PAPSS1: variants seen among roughly 807,000 people sequenced by gnomAD.
PAPSS1 encodes 3'-phosphoadenosine 5'-phosphosulfate synthase 1.
A neutral mutation model predicts 72.0 loss-of-function variants in PAPSS1; 50 were observed. The observed-to-expected ratio is 0.69, with a 90% confidence interval of 0.55 to 0.88. The LOEUF is 0.88. PAPSS1 is among the 40% of genes least tolerant of loss of function. The pLI is 0.00. For missense variants in PAPSS1, 657 were observed against 782.2 expected (o/e 0.84, Z 1.91); for synonymous variants, 261 against 263.6 (o/e 0.99, Z 0.09).
chr4:107,622,090 C>G (rs1254493129), intron 11 of PAPSS1, among the ~76,000 whole-genome samples: 1 of 152,146 alleles, frequency 6.6e-6, no homozygotes, highest in Non-Finnish European at 1.5e-5. Flanking sequence ...TACTTTTTCT[C>G]TGGTACTGAT....
chr4:107,717,648 T>C (rs1371295243), intron 1 of PAPSS1, among the ~76,000 whole-genome samples: 1 of 152,148 alleles, frequency 6.6e-6, no homozygotes, highest in East Asian at 1.9e-4. Flanking sequence ...AAAAACTCAA[T>C]GGGCTAATAT....
At chr4:107,705,743 T>C (rs1289884652) in intron 1 of PAPSS1, among the ~76,000 whole-genome samples, 7 of 152,246 alleles carry the variant, frequency 4.6e-5, no homozygotes. Flanking sequence ...TATTCTGAAC[T>C]TGACCGTGGA....
At chr4:107,654,371 T>G (rs1353075819) in intron 8 of PAPSS1, among the ~76,000 whole-genome samples, 2 of 152,198 alleles carry the variant, frequency 1.3e-5, no homozygotes, top group Non-Finnish European at 2.9e-5. Context: ...TCATTATAAG[T>G]ACATGCCTAA....
At chr4:107,665,602 C>T (rs765551044) in intron 5 of PAPSS1, among the ~76,000 whole-genome samples, 2 of 152,166 alleles carry the variant, frequency 1.3e-5, no homozygotes, top group Admixed American at 6.5e-5. Flanking sequence ...GTAAAGGGGG[C>T]TCAGGGAGGC....
intron 1 of PAPSS1, among the ~76,000 whole-genome samples, chr4:107,704,261 A>G (rs1016758987): frequency 6.6e-6 from 1 of 152,178 alleles, no homozygotes; most frequent in Non-Finnish European, 1.5e-5. Context: ...AGGGTTTTCC[A>G]TATTATTTAA....
At chr4:107,644,080 C>A (rs769872364) in intron 10 of PAPSS1, among the ~76,000 whole-genome samples, 1 of 152,152 alleles carries the variant, frequency 6.6e-6, no homozygotes, top group East Asian at 1.9e-4. Context: ...TCCTCGACAA[C>A]CGTCTTGTAT....
chr4:107,681,989 T>G (rs200748790), intron 5 of PAPSS1, 26 bp downstream of exon 5: 1 of 1,137,348 alleles, frequency 8.8e-7, no homozygotes, highest in African/African-American at 1.6e-5. Context: ...TTTTCTCTGA[T>G]GATTCCTTCT....
chr4:107,713,387 TA>T (rs1221609451), intron 1 of PAPSS1, among the ~76,000 whole-genome samples: 1 of 152,092 alleles, frequency 6.6e-6, no homozygotes. Context: ...TGGGGACATG[TA>T]AATGTTCTAA....
At position 107,713,618 on chromosome 4, in the gene PAPSS1, C is replaced by T. The variant is rs192145517; in HGVS notation, c.60+6502G>A. 2.0e-5 allele frequency among the ~76,000 whole-genome samples: 3 copies of T among 152,058 alleles called. No individual in the cohort carries two copies. The East Asian group carries it at 5.8e-4, about 29-fold the overall frequency. ...ACTAAAAATACAAAAATTAGCTGGG[C>T]ATGTTGGTGCACACCTGTAGTCCCA... On this transcript the variant is annotated intron_variant, in intron 1 of 11. Transcript: ENST00000265174.
At chr4:107,623,242 T>A (rs549253353) in intron 11 of PAPSS1, among the ~76,000 whole-genome samples, 2 of 152,364 alleles carry the variant, frequency 1.3e-5, no homozygotes, top group South Asian at 4.1e-4. Context: ...TTCTAACATG[T>A]GAAGTCTCTG....
chr4:107,693,131 T>G (rs13117538), intron 3 of PAPSS1, among the ~76,000 whole-genome samples: 46 of 152,094 alleles, frequency 3.0e-4, no homozygotes, highest in African/African-American at 7.5e-4. Flanking sequence ...GTAGCCCTGA[T>G]CTTAAAATAA....
chr4:107,714,408 C>T (rs752786281), intron 1 of PAPSS1, among the ~76,000 whole-genome samples: 1 of 152,150 alleles, frequency 6.6e-6, no homozygotes, highest in Non-Finnish European at 1.5e-5. Context: ...CTCTCTACTA[C>T]CGCTTAACAC....
chr4:107,710,293 T>C (rs761559485), intron 1 of PAPSS1, among the ~76,000 whole-genome samples: 4 of 152,190 alleles, frequency 2.6e-5, no homozygotes, highest in African/African-American at 4.8e-5. Context: ...TCTTACTTAA[T>C]AGTCTGGGTG....
chr4:107,648,377 C>T (rs1726748641), intron 9 of PAPSS1, among the ~76,000 whole-genome samples: 1 of 152,176 alleles, frequency 6.6e-6, no homozygotes, highest in African/African-American at 2.4e-5. Flanking sequence ...AGACTCTACT[C>T]TTTCCAAGCT....
intron 10 of PAPSS1, among the ~76,000 whole-genome samples, chr4:107,643,618 C>T (rs1425749784): frequency 6.6e-6 from 1 of 152,082 alleles, no homozygotes; most frequent in Admixed American, 6.5e-5. Context: ...TAAACACAAG[C>T]TAACTGGGCC....
intron 1 of PAPSS1, among the ~76,000 whole-genome samples, chr4:107,708,860 A>C (rs188219319): frequency 3.9e-5 from 6 of 152,362 alleles, no homozygotes; most frequent in Admixed American, 3.3e-4. Flanking sequence ...ATATGTACTA[A>C]ACTAACCTAG....
chr4:107,672,811 C>G (rs371723764), intron 5 of PAPSS1, among the ~76,000 whole-genome samples: 4 of 152,214 alleles, frequency 2.6e-5, no homozygotes, highest in Non-Finnish European at 5.9e-5. Context: ...AGGCACCCCC[C>G]AGTAGGGGCA....
Position 107,614,183 on chromosome 4 carries a change from C to A in PAPSS1, c.*66G>T, listed in dbSNP as rs1241025049. 2.3e-5 allele frequency: 34 copies of A among 1,484,712 alleles called. 1 individual carries two copies. The South Asian group carries it at 3.9e-4, about 17-fold the overall frequency. The allele number at this position is 1,484,712 out of a possible 1,614,324, so 92.0% of individuals were successfully genotyped here. On this transcript the variant is annotated 3_prime_UTR_variant, in exon 12 of 12. Transcript: ENST00000265174. ...GACAGACACCACAAAGAAATGCCAA[C>A]AGAGACTATGTGGTCCCCTCTTGTT... is the stretch of plus-strand genomic sequence containing the variant.
At chr4:107,667,011 G>A (rs1727336998) in intron 5 of PAPSS1, among the ~76,000 whole-genome samples, 1 of 152,118 alleles carries the variant, frequency 6.6e-6, no homozygotes, top group African/African-American at 2.4e-5. Context: ...GCTTCATGAT[G>A]GGAACTGGGA....
Sources: gnomAD v4.1 joint callset for allele counts (sites outside exome capture counted in the v4.1 genomes callset) on GRCh38, gnomAD v4.1.1 for gene constraint, MANE v1.5 for transcripts, NCBI Gene and HGNC (gene_info 2026-07-23, HGNC 2026-07-21) for gene names.